TTLL11: variants seen among roughly 807,000 people sequenced by gnomAD.
TTLL11 encodes the protein tubulin tyrosine ligase like 11, also known as tubulin polyglutamylase TTLL11.
A neutral mutation model predicts 51.7 loss-of-function variants in TTLL11; 42 were observed. The observed-to-expected ratio is 0.81, with a 90% CI of 0.64 to 1.05. The LOEUF (loss-of-function observed/expected upper bound fraction) is 1.05, where lower values mean the gene tolerates loss of function less well. TTLL11 is among the 50% of genes least tolerant of loss of function. The pLI is 0.00. For synonymous variants in TTLL11, 381 were observed against 383.5 expected, an observed-to-expected ratio of 0.99 and a Z score of 0.08; for missense variants, 799 against 940.4, an observed-to-expected ratio of 0.85 and a Z score of 1.97.
intron 6 of TTLL11, among the ~76,000 whole-genome samples, chr9:121,940,388 A>G (rs984098101): frequency 5.3e-5 from 8 of 149,996 alleles, no homozygotes; most frequent in Non-Finnish European, 7.4e-5. Context: ...CCCAGGCTGG[A>G]GTGCAGTGGT....
chr9:121,873,642 C>CTCTTCT (rs376804339), intron 6 of TTLL11, among the ~76,000 whole-genome samples: 149 of 134,046 alleles, frequency 1.1e-3, no homozygotes, highest in Admixed American at 2.0e-3. Context: ...TCCTCCTCCT[C>CTCTTCT]TCTTCTTCTT....
At chr9:122,032,225 G>A (rs1339551749) in intron 2 of TTLL11, among the ~76,000 whole-genome samples, 5 of 152,066 alleles carry the variant, frequency 3.3e-5, no homozygotes, top group South Asian at 2.1e-4. Flanking sequence ...GCCACCTTAC[G>A]TGCTTCTGGG....
chr9:122,065,764 G>C (rs1487293778), intron 1 of TTLL11, among the ~76,000 whole-genome samples: 2 of 152,200 alleles, frequency 1.3e-5, no homozygotes, highest in Non-Finnish European at 2.9e-5. Context: ...GAATAGGTGA[G>C]ATAATGGAGG....
chr9:122,086,155 AAC>A (rs1341935784), intron 1 of TTLL11, among the ~76,000 whole-genome samples: 1 of 152,228 alleles, frequency 6.6e-6, no homozygotes, highest in African/African-American at 2.4e-5. Flanking sequence ...CCTGCTTAAA[AAC>A]ACACAGACAC....
At chr9:121,901,089 C>G (rs556456944) in intron 6 of TTLL11, among the ~76,000 whole-genome samples, 1 of 152,284 alleles carries the variant, frequency 6.6e-6, no homozygotes, top group East Asian at 1.9e-4. Flanking sequence ...ATTTCAACCT[C>G]TTTGTGGCTA....
chr9:121,981,520 A>G (rs1361409401), intron 4 of TTLL11, among the ~76,000 whole-genome samples: 1 of 151,880 alleles, frequency 6.6e-6, no homozygotes, highest in Non-Finnish European at 1.5e-5. Flanking sequence ...ATCATTTCTG[A>G]TATTTTTGGA....
At chr9:121,982,715 C>T (rs1263021355) in intron 4 of TTLL11, among the ~76,000 whole-genome samples, 1 of 65,750 alleles carries the variant, frequency 1.5e-5, no homozygotes, top group East Asian at 4.5e-4. Flanking sequence ...GAAACTCCAA[C>T]TCAAAAAAAA....
At chr9:121,998,600 T>C (rs1184706120) in intron 3 of TTLL11, among the ~76,000 whole-genome samples, 1 of 152,058 alleles carries the variant, frequency 6.6e-6, no homozygotes, top group Non-Finnish European at 1.5e-5. Flanking sequence ...CTTTTTTTTT[T>C]TTAATGCAAG....
At chr9:121,829,121 T>G (rs566529037) in intron 8 of TTLL11, among the ~76,000 whole-genome samples, 99 of 152,044 alleles carry the variant, frequency 6.5e-4, no homozygotes, top group Non-Finnish European at 1.0e-3. Flanking sequence ...CCCAGCTAAT[T>G]TTTTTGTATT....
intron 3 of TTLL11, among the ~76,000 whole-genome samples, chr9:122,017,069 A>G (rs1478642053): frequency 1.3e-5 from 2 of 152,206 alleles, no homozygotes; most frequent in African/African-American, 2.4e-5. Context: ...CTTTAATGAA[A>G]TAAACTTAAT....
In TTLL11 at chr9:122,031,838, C is replaced by T. The variant is rs779860982; in HGVS notation, c.578G>A (p.Arg193His). 6.2e-6 allele frequency: 10 copies of T among 1,613,084 alleles called. No homozygotes were observed. The highest frequency in any genetic ancestry group is 2.7e-5 in the African/African-American group (2 of 74,888). ...NKFPGMTEMV[R>H]KITLSRAVRT... ...CACTGCTCTGCTCAGAGTAATTTTA[C>T]GCACCATCTCCGTCATGCCTGGGGA... Residue 193 changes from arginine to histidine, a missense_variant, in exon 3 of 9, where the codon CGT (arginine) becomes CAT (histidine). Arg to His is a conservative substitution (Grantham distance 29, BLOSUM62 0). Transcript: ENST00000321582.
intron 3 of TTLL11, among the ~76,000 whole-genome samples, chr9:122,006,592 T>C (rs2131737313): frequency 6.6e-6 from 1 of 152,316 alleles, no homozygotes; most frequent in Middle Eastern, 3.4e-3. Flanking sequence ...TCTAAACTTA[T>C]TCATTATAGG....
chr9:122,070,084 C>A lies in TTLL11; in HGVS notation c.462+22603G>T, dbSNP rs117876671. ...TCTTAGGGTTTAGTGAGAGACACGG[C>A]TCTTAAGCAAATCATTATCCCCCAT... On this transcript the variant is annotated intron_variant, in intron 1 of 8. Coordinates refer to ENST00000321582, the MANE Select transcript of TTLL11 (RefSeq NM_001139442.2). Among the ~76,000 whole-genome samples the A allele has an allele frequency of 8.5e-3, 1,290 of 152,142 alleles. 8 individuals are homozygous for A. Among genetic ancestry groups the A allele is most frequent in the Non-Finnish European group, 0.013 (873 of 67,988 alleles).
At chr9:121,896,242 A>T (rs979572010) in intron 6 of TTLL11, among the ~76,000 whole-genome samples, 1 of 152,010 alleles carries the variant, frequency 6.6e-6, no homozygotes, top group Admixed American at 6.6e-5. Flanking sequence ...GGTCCAGCGC[A>T]GCAGATTAAT....
intron 6 of TTLL11, among the ~76,000 whole-genome samples, chr9:121,932,413 A>G (rs968336678): frequency 3.3e-5 from 5 of 152,204 alleles, no homozygotes; most frequent in African/African-American, 1.2e-4. Context: ...TGAGTACATA[A>G]CAGGTTCTCA....
chr9:121,986,056 C>A (rs941946930), intron 4 of TTLL11, among the ~76,000 whole-genome samples: 1 of 152,188 alleles, frequency 6.6e-6, no homozygotes. Context: ...TTCCTTGATC[C>A]TGGCGTCTCC....
intron 8 of TTLL11, among the ~76,000 whole-genome samples, chr9:121,843,694 A>T (rs1837428926): frequency 6.6e-6 from 1 of 152,068 alleles, no homozygotes; most frequent in South Asian, 2.1e-4. Flanking sequence ...ATTATTAGAG[A>T]CAGGGTCTTG....
intron 3 of TTLL11, among the ~76,000 whole-genome samples, chr9:122,029,612 G>A (rs979481836): frequency 6.6e-5 from 10 of 152,138 alleles, no homozygotes; most frequent in African/African-American, 2.4e-4. Flanking sequence ...TAAGCTAAGT[G>A]TTATTACAAA....
chr9:122,034,268 A>G (rs1844638847), intron 2 of TTLL11, among the ~76,000 whole-genome samples: 1 of 152,206 alleles, frequency 6.6e-6, no homozygotes, highest in Admixed American at 6.5e-5. Flanking sequence ...TGCTCCAGAA[A>G]AGTTTTGTGA....
Sources: allele counts gnomAD v4.1 joint callset (sites outside exome capture counted in the v4.1 genomes callset), GRCh38; gene constraint gnomAD v4.1.1; transcripts MANE v1.5; gene names NCBI Gene and HGNC (gene_info 2026-07-23, HGNC 2026-07-21).